PDIA6: variants seen among roughly 807,000 people sequenced by gnomAD.
PDIA6 encodes the protein protein disulfide isomerase family A member 6.
PDIA6 carries 29 observed loss-of-function variants against 58.4 expected under a neutral mutation model. The observed-to-expected ratio is 0.50, with a 90% CI of 0.37 to 0.68. The LOEUF (loss-of-function observed/expected upper bound fraction) is 0.68. PDIA6 is among the 30% of genes least tolerant of loss of function. The pLI, the probability that PDIA6 is intolerant of heterozygous loss-of-function variation, is 0.00. For synonymous variants in PDIA6, 192 were observed against 202.6 expected, an observed-to-expected ratio of 0.95 and a Z score of 0.44; for missense variants, 480 against 551.0, an observed-to-expected ratio of 0.87 and a Z score of 1.29.
chr2:10,790,862 T>C (rs752882248), intron 6 of PDIA6, 29 bp from the exon 7 acceptor site: 5 of 1,549,086 alleles, frequency 3.2e-6, no homozygotes, highest in South Asian at 1.1e-5. Flanking sequence ...TTTGTTTTGT[T>C]TCTTTGAGAC....
chr2:10,789,362 AT>A (rs11334495), intron 8 of PDIA6, among the ~76,000 whole-genome samples: 101,174 of 152,016 alleles, frequency 0.67, 34,700 homozygotes, highest in African/African-American at 0.84. Flanking sequence ...TAAAATGGAG[AT>A]TAAAAACAGT....
chr2:10,787,145 A>G (rs1035747944), intron 11 of PDIA6, 136 bp downstream of exon 11: 1 of 766,948 alleles, frequency 1.3e-6, no homozygotes. Context: ...ATGTATAAAC[A>G]TTCAATTCTC....
upstream of PDIA6, among the ~76,000 whole-genome samples, chr2:10,814,174 A>AG (rs1003779540): frequency 1.1e-4 from 16 of 152,176 alleles, no homozygotes; most frequent in Admixed American, 9.2e-4. Context: ...ATTCTTAGGC[A>AG]GGGGTCCAGG....
At chr2:10,810,821 G>T (rs1217818551) in intron 1 of PDIA6, among the ~76,000 whole-genome samples, 1 of 151,968 alleles carries the variant, frequency 6.6e-6, no homozygotes, top group Non-Finnish European at 1.5e-5. Context: ...GACAAAGTAG[G>T]TCAATGCTGA....
At chr2:10,817,101 C>G (rs113590599), upstream of PDIA6, among the ~76,000 whole-genome samples, 4,580 of 152,314 alleles carry the variant, frequency 0.03, 260 homozygotes, top group African/African-American at 0.11. Flanking sequence ...CGTGGCTGCT[C>G]CAGCCCGCTA....
In PDIA6 at chr2:10,818,497, T is replaced by A. The variant is rs1192666215; in HGVS notation, c.34+777A>T. ...TAACCATTTAATTTATTTATTTATT[T>A]ATTTATTTATTTATTTATTTATTTA... On this transcript the variant is annotated intron_variant, in intron 2 of 13. Transcript: ENST00000381611. Among the ~76,000 whole-genome samples, 42 of 121,998 alleles carry A rather than the reference T, an allele frequency of 3.4e-4. 1 individual carries two copies. The highest frequency in any genetic ancestry group is 6.5e-4 in the African/African-American group (21 of 32,422). 80.0% of individuals were successfully genotyped at this position (121,998 alleles called of 152,430 possible).
intron 1 of PDIA6, among the ~76,000 whole-genome samples, chr2:10,824,247 G>T (rs575150636): frequency 6.8e-6 from 1 of 146,796 alleles, no homozygotes; most frequent in Non-Finnish European, 1.5e-5. Context: ...CTTCATGGCT[G>T]TGTCCTTCCA....
chr2:10,797,236 TTTCC>T, intron 3 of PDIA6, 29 bp from the exon 4 acceptor site: 1 of 1,599,244 alleles, frequency 6.3e-7, no homozygotes, highest in Non-Finnish European at 8.5e-7. Flanking sequence ...AATAACAATT[TTTCC>T]TTCCGCTAAA....
In PDIA6 at chr2:10,819,462, A is replaced by G. The variant is rs1667319242; in HGVS notation, c.-47-108T>C. 3 of 679,108 alleles carry G rather than the reference A, an allele frequency of 4.4e-6. No homozygotes were observed. The Admixed American group carries it at 8.7e-5, about 20-fold the overall frequency. The allele number at this position is 679,108 out of a possible 1,614,324, so 42.1% of individuals were successfully genotyped here. ...GTATTTACATCTGTGAACCTGCTAA[A>G]ACTGCTTTTGTTAATCAACGAAAAG... is the stretch of plus-strand genomic sequence containing the variant. On this transcript the variant is annotated intron_variant, in intron 1 of 13. Transcript: ENST00000381611.
At chr2:10,810,992 T>A (rs76708321) in intron 1 of PDIA6, among the ~76,000 whole-genome samples, 12,154 of 152,230 alleles carry the variant, frequency 0.08, 629 homozygotes, top group South Asian at 0.14. Context: ...AAGGATGCTA[T>A]AAATTCACAT....
At chr2:10,827,507 T>G (rs763375524) in intron 1 of PDIA6, among the ~76,000 whole-genome samples, 1 of 152,118 alleles carries the variant, frequency 6.6e-6, no homozygotes, top group Non-Finnish European at 1.5e-5. Flanking sequence ...GATTGAAAAT[T>G]TAATGAAAGT....
At chr2:10,820,915 C>T (rs908101228) in intron 1 of PDIA6, 21 of 701,272 alleles carry the variant, frequency 3.0e-5, no homozygotes, top group African/African-American at 1.6e-4. Context: ...TGAGAGTGAG[C>T]GTCCTAAGAG....
rs1299462878 is a variant in PDIA6, at chr2:10,783,898, G to T, written c.*360C>A. ...AATATTTTATTCTTTAATGGAAAAA[G>T]CCATTAATATTCAAATGAAGGGATC... On this transcript the variant is annotated 3_prime_UTR_variant, in exon 13 of 13. Transcript: ENST00000272227. The T allele has an allele frequency of 5.9e-6, 1 of 170,332 alleles. No homozygotes were observed. Among genetic ancestry groups the T allele is most frequent in the Non-Finnish European group, 1.2e-5 (1 of 80,262 alleles). The allele number at this position is 170,332 out of a possible 1,614,324, so 10.6% of individuals were successfully genotyped here.
At chr2:10,818,534 A>ATTTATT (rs1553341318) in intron 2 of PDIA6, among the ~76,000 whole-genome samples, 23 of 81,060 alleles carry the variant, frequency 2.8e-4, no homozygotes, top group African/African-American at 1.1e-3. Flanking sequence ...TTATTTATTT[A>ATTTATT]TTTTGAGATG....
intron 4 of PDIA6, among the ~76,000 whole-genome samples, chr2:10,796,425 G>A (rs914824307): frequency 2.6e-5 from 4 of 151,790 alleles, no homozygotes; most frequent in African/African-American, 9.7e-5. Flanking sequence ...AGCTACTTGG[G>A]AGGCTGAAGT....
At chr2:10,825,278 GTCTCTCTCTCTGTCTC>G (rs1452695431) in intron 1 of PDIA6, among the ~76,000 whole-genome samples, 1 of 24,774 alleles carries the variant, frequency 4.0e-5, no homozygotes, top group Non-Finnish European at 9.4e-5. Context: ...CTCTCTCTCT[GTCTCTCTCTCTGTCTC>G]TCTCTCTCTC....
chr2:10,815,764 C>T (rs571359152), upstream of PDIA6, among the ~76,000 whole-genome samples: 26 of 152,222 alleles, frequency 1.7e-4, no homozygotes, highest in East Asian at 4.6e-3. Flanking sequence ...AGGCTGGTCT[C>T]GAACTCCTGA....
chr2:10,835,277 G>C (rs1214211675), upstream of PDIA6, among the ~76,000 whole-genome samples: 6 of 152,166 alleles, frequency 3.9e-5, no homozygotes, highest in Admixed American at 3.9e-4. Context: ...GAAAGGCTGG[G>C]GACTCCAGGG....
chr2:10,832,343 A>G (rs1223327139), exon 1 of PDIA6: 7 of 833,244 alleles, frequency 8.4e-6, no homozygotes, highest in African/African-American at 1.8e-5. Context: ...AGTGCAATGC[A>G]GTGCAGCCGT....
Sources: gnomAD v4.1 joint callset for allele counts (sites outside exome capture counted in the v4.1 genomes callset) on GRCh38, gnomAD v4.1.1 for gene constraint, MANE v1.5 for transcripts, NCBI Gene and HGNC (gene_info 2026-07-23, HGNC 2026-07-21) for gene names.